The following U2SURP variants were observed in gnomAD, a reference collection of about 807,000 sequenced individuals.
The protein encoded by U2SURP is U2 snRNP associated SURP domain containing.
A neutral mutation model predicts 144.9 loss-of-function variants in U2SURP; 9 were observed. That is an observed-to-expected ratio of 0.06 (90% CI 0.04 to 0.11). The LOEUF (loss-of-function observed/expected upper bound fraction) is 0.11. Ranked by LOEUF, U2SURP falls within the 10% of genes least tolerant of loss-of-function variation. The probability of loss-of-function intolerance (pLI) is 1.00; values close to 1 mark genes in which losing one functional copy is unlikely to be tolerated. For synonymous variants in U2SURP, 408 were observed against 396.8 expected, an observed-to-expected ratio of 1.03 and a Z score of -0.33; for missense variants, 724 against 1,226.7, an observed-to-expected ratio of 0.59 and a Z score of 6.12.
At chr3:143,020,196 ATAAAT>A (rs1396836326) in intron 7 of U2SURP, among the ~76,000 whole-genome samples, 160 bp downstream of exon 7, 9 of 152,354 alleles carry the variant, frequency 5.9e-5, no homozygotes, top group South Asian at 2.1e-4. Flanking sequence ...ATCTTTGAAA[ATAAAT>A]TAGCATTTAG....
chr3:143,042,977 T>C, intron 23 of U2SURP, 140 bp from the exon 24 acceptor site: 1 of 752,194 alleles, frequency 1.3e-6, no homozygotes, highest in Non-Finnish European at 2.0e-6. Context: ...TTGCAAAATA[T>C]GCTTGAGGTA....
Position 143,046,924 on chromosome 3 carries a change from C to G in U2SURP, c.2544+3648C>G, listed in dbSNP as rs1266926933. Among the ~76,000 whole-genome samples the G allele has an allele frequency of 2.9e-5, 3 of 104,034 alleles. 1 individual carries two copies. Among genetic ancestry groups the G allele is most frequent in the South Asian group, 6.4e-4 (2 of 3,102 alleles). The allele number at this position is 104,034 out of a possible 152,430, so 68.3% of individuals were successfully genotyped here. The stretch of plus-strand genomic sequence containing the variant: ...GCAGAGGCGCCGCTCACCTCCCGGA[C>G]GGGGCGGCTGGCCGGGCAGGGGGCT... On this transcript the variant is annotated intron_variant, in intron 24 of 27. Transcript: ENST00000473835.
In U2SURP at chr3:143,052,665, G is replaced by A. The variant is rs1221215336; in HGVS notation, c.2656-1011G>A. Among the ~76,000 whole-genome samples, 3 of 152,212 alleles carry A rather than the reference G, an allele frequency of 2.0e-5. No homozygotes were observed. The East Asian group carries it at 5.8e-4, about 29-fold the overall frequency. ...GAGTTGAGTAGTTGTGGCAGAGACTGTATGTGGCCCACAAAGCAGAGAGCA... is the reference window on the plus strand; with the variant it reads ...GAGTTGAGTAGTTGTGGCAGAGACTATATGTGGCCCACAAAGCAGAGAGCA... On this transcript the variant is annotated intron_variant, in intron 25 of 27. Coordinates refer to ENST00000473835, the MANE Select transcript of U2SURP (RefSeq NM_001080415.2).
chr3:143,023,191 G>A, intron 12 of U2SURP, 127 bp downstream of exon 12: 1 of 792,878 alleles, frequency 1.3e-6, no homozygotes, highest in Non-Finnish European at 1.9e-6. Flanking sequence ...AAAGAAATAA[G>A]TAGATGTGTT....
rs769768347 is a variant in U2SURP at position 143,022,675 on chromosome 3, T to A, written c.1018+13T>A. 2 of 1,603,974 alleles carry A rather than the reference T, an allele frequency of 1.2e-6. No homozygotes were observed. The highest frequency in any genetic ancestry group is 2.7e-5 in the African/African-American group (2 of 74,396). On this transcript the variant is annotated intron_variant, in intron 11 of 27. Coordinates refer to ENST00000473835, the MANE Select transcript of U2SURP (RefSeq NM_001080415.2). ...AAAAATTTGAATGGTAAGAACATTTTTATTATCCATTTATACAATTCAGAT... is the reference window on the plus strand; with the variant it reads ...AAAAATTTGAATGGTAAGAACATTTATATTATCCATTTATACAATTCAGAT...
Position 143,047,587 on chromosome 3 carries a change from A to G in U2SURP, c.2545-3352A>G, listed in dbSNP as rs1295186642. ...GCTGGGCGGGGGGCTGACCCCCCCC[A>G]CCTCCCTCCCGGACGGGGCGGCTGG... On this transcript the variant is annotated intron_variant, in intron 24 of 27. Transcript: ENST00000473835. 7.8e-3 allele frequency among the ~76,000 whole-genome samples: 187 copies of G among 24,054 alleles called. 35 individuals are homozygous for G. Among genetic ancestry groups the G allele is most frequent in the South Asian group, 0.027 (16 of 588 alleles). 15.8% of individuals were successfully genotyped at this position (24,054 alleles called of 152,430 possible).
At position 143,033,325 on chromosome 3, in the gene U2SURP, G is replaced by A; in HGVS notation, c.1828G>A (p.Ala610Thr). Reference sequence around the variant, plus strand: ...TTTGTACAACTCTTCAGCCAAAGTTGCTAATGCTTCATATTATAGAAAATT... The same window carrying A: ...TTTGTACAACTCTTCAGCCAAAGTTACTAATGCTTCATATTATAGAAAATT... ...DVLYNSSAKVANASYYRKFFE... is the reference protein window; with the variant it reads ...DVLYNSSAKVTNASYYRKFFE... Residue 610 changes from alanine (A) to threonine (T), a missense_variant, in exon 18 of 28, where the codon GCT (alanine) becomes ACT (threonine). Ala to Thr is a moderately conservative substitution (Grantham distance 58). This residue lies in a region of U2SURP where 19 missense variants were observed against 62.2 expected (regional missense o/e 0.31). Transcript: ENST00000473835. 6.5e-7 allele frequency: 1 copy of A among 1,537,656 alleles called. No homozygotes were observed. The highest frequency in any genetic ancestry group is 8.8e-7 in the Non-Finnish European group (1 of 1,135,560).
Position 143,037,211 on chromosome 3 carries a change from C to G in U2SURP, c.2097C>G (p.Ile699Met). Residue 699 changes from isoleucine to methionine, a missense_variant, in exon 21 of 28, where the codon ATC (isoleucine) becomes ATG (methionine). Coordinates refer to ENST00000473835, the MANE Select transcript of U2SURP (RefSeq NM_001080415.2). ...DVPDDLDGAP[I>M]EEELDGAPLE... ...CAGATGACCTTGATGGTGCCCCCAT[C>G]GAGGAAGAGCTTGATGGTGCACCTC... 6.2e-7 allele frequency: 1 copy of G among 1,612,102 alleles called. No homozygotes were observed. Among genetic ancestry groups the G allele is most frequent in the South Asian group, 1.1e-5 (1 of 90,712 alleles).
chr3:143,060,083 A>G lies in U2SURP; in HGVS notation c.*3633A>G, dbSNP rs778551282. The G allele has an allele frequency of 6.6e-6, 1 of 152,438 alleles. No individual in the cohort carries two copies. Among genetic ancestry groups the G allele is most frequent in the Non-Finnish European group, 1.5e-5 (1 of 67,898 alleles). 9.4% of individuals were successfully genotyped at this position (152,438 alleles called of 1,614,324 possible). The stretch of plus-strand genomic sequence containing the variant: ...TTGAAAATTTGATGCCTCAGTGTTT[A>G]TTCAGTACCACCTCATGGAGCTTCA... On this transcript the variant is annotated 3_prime_UTR_variant, in exon 28 of 28. Coordinates refer to ENST00000473835, the MANE Select transcript of U2SURP (RefSeq NM_001080415.2).
chr3:143,053,549 A>G (rs376038715), intron 25 of U2SURP, 127 bp from the exon 26 acceptor site: 4 of 554,478 alleles, frequency 7.2e-6, no homozygotes, highest in East Asian at 7.5e-5. Context: ...TTTTTTTTTT[A>G]ATAGTATTGT....
At chr3:143,038,473 G>A (rs1933927201) in intron 22 of U2SURP, among the ~76,000 whole-genome samples, 1 of 151,930 alleles carries the variant, frequency 6.6e-6, no homozygotes, top group Non-Finnish European at 1.5e-5. Flanking sequence ...ATGTAGATTG[G>A]AAGCTGTACC....
At chr3:143,048,297 T>C (rs1934651246) in intron 24 of U2SURP, among the ~76,000 whole-genome samples, 1 of 152,232 alleles carries the variant, frequency 6.6e-6, no homozygotes, top group African/African-American at 2.4e-5. Context: ...GTAGGGATTG[T>C]ATAGTGATTT....
intron 23 of U2SURP, 53 bp from the exon 24 acceptor site, chr3:143,043,064 T>TA: frequency 6.7e-7 from 1 of 1,483,070 alleles, no homozygotes; most frequent in South Asian, 1.4e-5. Flanking sequence ...GACTGTAAAA[T>TA]ATGGTACTCT....
chr3:143,023,179 T>A, intron 12 of U2SURP, 115 bp downstream of exon 12: 1 of 935,690 alleles, frequency 1.1e-6, no homozygotes, highest in Non-Finnish European at 1.6e-6. Context: ...TTGGCAACTT[T>A]TAAAGAAATA....
chr3:143,025,058 C>T (rs1324189430), intron 13 of U2SURP, among the ~76,000 whole-genome samples: 1 of 152,068 alleles, frequency 6.6e-6, no homozygotes, highest in Non-Finnish European at 1.5e-5. Context: ...AATGTGATTA[C>T]AGTTCTTTAG....
At chr3:143,037,976 C>A in intron 21 of U2SURP, 132 bp from the exon 22 acceptor site, 1 of 540,252 alleles carries the variant, frequency 1.9e-6, no homozygotes, top group Non-Finnish European at 3.2e-6. Flanking sequence ...AGTCCTTGTT[C>A]TTAGTATTAC....
intron 6 of U2SURP, among the ~76,000 whole-genome samples, chr3:143,019,364 A>C (rs375583571): frequency 6.6e-6 from 1 of 152,176 alleles, no homozygotes; most frequent in Non-Finnish European, 1.5e-5. Flanking sequence ...GATTATGAAT[A>C]TTCATTCCTG....
chr3:143,040,185 ATTAG>A (rs753969900), intron 23 of U2SURP, among the ~76,000 whole-genome samples: 16 of 151,872 alleles, frequency 1.1e-4, no homozygotes, highest in Non-Finnish European at 2.1e-4. Flanking sequence ...GTATTGTTCT[ATTAG>A]TTTTATTTCT....
intron 3 of U2SURP, 32 bp from the exon 4 acceptor site, chr3:143,014,279 C>A: frequency 7.0e-7 from 1 of 1,434,252 alleles, no homozygotes; most frequent in Non-Finnish European, 9.6e-7. Context: ...CATTAAGAAT[C>A]TATATGTAAA....
Sources: allele counts gnomAD v4.1 joint callset (sites outside exome capture counted in the v4.1 genomes callset), GRCh38; gene constraint gnomAD v4.1.1; regional missense constraint gnomAD v4.1.1; transcripts MANE v1.5; gene names NCBI Gene and HGNC (gene_info 2026-07-23, HGNC 2026-07-21).